The following ZNF827 variants were observed in gnomAD, a reference collection of about 807,000 sequenced individuals.
The protein encoded by ZNF827 is zinc finger protein 827.
A neutral mutation model predicts 102.4 loss-of-function variants in ZNF827; 13 were observed. That is an observed-to-expected ratio of 0.13 (90% CI 0.08 to 0.20). The LOEUF is 0.20. ZNF827 is among the 10% of genes least tolerant of loss of function. ZNF827 has a pLI of 1.00. For synonymous variants in ZNF827, 523 were observed against 536.2 expected, an observed-to-expected ratio of 0.98 and a Z score of 0.34; for missense variants, 1,103 against 1,344.4, an observed-to-expected ratio of 0.82 and a Z score of 2.81.
At chr4:145,814,967 A>C (rs542390801) in intron 8 of ZNF827, among the ~76,000 whole-genome samples, 1 of 152,112 alleles carries the variant, frequency 6.6e-6, no homozygotes, top group East Asian at 1.9e-4. Flanking sequence ...AAAAAAACCC[A>C]AAAATTGCAC....
intron 8 of ZNF827, among the ~76,000 whole-genome samples, chr4:145,782,925 T>C (rs756692586): frequency 6.6e-6 from 1 of 152,238 alleles, no homozygotes; most frequent in Non-Finnish European, 1.5e-5. Flanking sequence ...TGAAGCCCTA[T>C]CTCAGATTTT....
chr4:145,920,049 G>A (rs906298352), intron 1 of ZNF827, among the ~76,000 whole-genome samples: 24 of 152,164 alleles, frequency 1.6e-4, no homozygotes, highest in Admixed American at 3.3e-4. Flanking sequence ...AATTGTACAG[G>A]GCTATGTAAA....
intron 7 of ZNF827, among the ~76,000 whole-genome samples, chr4:145,842,703 T>A (rs879790326): frequency 6.6e-6 from 1 of 152,196 alleles, no homozygotes; most frequent in East Asian, 1.9e-4. Flanking sequence ...TTCATCAGCA[T>A]GAGAAAGGCA....
intron 4 of ZNF827, among the ~76,000 whole-genome samples, chr4:145,873,528 T>C (rs1341827375): frequency 6.6e-6 from 1 of 152,190 alleles, no homozygotes; most frequent in Non-Finnish European, 1.5e-5. Context: ...AAATATCTAA[T>C]CATCACTTGA....
At chr4:145,780,782 T>C (rs1428119517) in intron 8 of ZNF827, among the ~76,000 whole-genome samples, 3 of 152,330 alleles carry the variant, frequency 2.0e-5, no homozygotes, top group East Asian at 3.9e-4. Context: ...TAAGTTAATA[T>C]CTTGTCTTTT....
At chr4:145,795,187 G>A (rs1348261792) in intron 8 of ZNF827, among the ~76,000 whole-genome samples, 5 of 152,104 alleles carry the variant, frequency 3.3e-5, no homozygotes, top group South Asian at 2.1e-4. Context: ...TCACTCCCTC[G>A]CCCAGGGTGG....
chr4:145,869,575 G>A (rs1258416394), intron 5 of ZNF827, among the ~76,000 whole-genome samples: 1 of 152,042 alleles, frequency 6.6e-6, no homozygotes, highest in African/African-American at 2.4e-5. Flanking sequence ...GTTTTTACCT[G>A]TTTCAGAGAG....
intron 1 of ZNF827, among the ~76,000 whole-genome samples, chr4:145,918,793 T>G (rs1207178009): frequency 6.6e-6 from 1 of 152,184 alleles, no homozygotes. Context: ...GAGCTCTCCA[T>G]AAAGACAAGG....
chr4:145,854,959 C>T (rs1029242872), intron 5 of ZNF827, among the ~76,000 whole-genome samples: 8 of 152,304 alleles, frequency 5.3e-5, no homozygotes, highest in African/African-American at 1.9e-4. Flanking sequence ...GTTCATCTTT[C>T]GGATATCCTC....
At chr4:145,841,332 C>T (rs1745396656) in intron 7 of ZNF827, among the ~76,000 whole-genome samples, 1 of 152,156 alleles carries the variant, frequency 6.6e-6, no homozygotes, top group South Asian at 2.1e-4. Flanking sequence ...GGATGTAGAT[C>T]TTCTTTTTAT....
intron 3 of ZNF827, among the ~76,000 whole-genome samples, chr4:145,886,822 T>C (rs946820137): frequency 6.6e-6 from 1 of 152,106 alleles, no homozygotes; most frequent in African/African-American, 2.4e-5. Flanking sequence ...AACGTGGCTA[T>C]AATATCATGC....
intron 11 of ZNF827, among the ~76,000 whole-genome samples, chr4:145,770,551 G>C (rs1364749689): frequency 6.6e-6 from 1 of 151,246 alleles, no homozygotes; most frequent in Non-Finnish European, 1.5e-5. Context: ...ATCATGGTAA[G>C]CATTATAGAA....
intron 3 of ZNF827, among the ~76,000 whole-genome samples, chr4:145,886,663 G>A (rs1306210555): frequency 6.6e-6 from 1 of 152,008 alleles, no homozygotes; most frequent in Non-Finnish European, 1.5e-5. Flanking sequence ...AATGTCTCCA[G>A]GGTATTCCCG....
Position 145,817,496 on chromosome 4 carries a change from G to A in ZNF827, c.2383+5926C>T, listed in dbSNP as rs931487197. Among the ~76,000 whole-genome samples, 7 of 152,270 alleles carry A rather than the reference G, an allele frequency of 4.6e-5. No homozygotes were observed. The East Asian group carries it at 5.8e-4, about 13-fold the overall frequency. ...AGGCCTCAAGAAGCAGAATCATGGC[G>A]GAAAGGGAAGCAGGCACATCTTATA... On this transcript the variant is annotated intron_variant, in intron 8 of 14. Coordinates refer to ENST00000508784, the MANE Select transcript of ZNF827 (RefSeq NM_001306215.2).
intron 1 of ZNF827, among the ~76,000 whole-genome samples, chr4:145,922,991 T>G (rs1753183535): frequency 6.6e-6 from 1 of 152,228 alleles, no homozygotes; most frequent in Non-Finnish European, 1.5e-5. Context: ...TAATATTTTT[T>G]TTATATTTTA....
At chr4:145,842,764 AACT>A (rs986958293) in intron 7 of ZNF827, among the ~76,000 whole-genome samples, 3 of 152,304 alleles carry the variant, frequency 2.0e-5, no homozygotes, top group African/African-American at 7.2e-5. Context: ...TTACAAACGA[AACT>A]ACCTTAAATA....
chr4:145,924,552 G>A (rs1217947476), intron 1 of ZNF827, among the ~76,000 whole-genome samples: 1 of 152,188 alleles, frequency 6.6e-6, no homozygotes, highest in Non-Finnish European at 1.5e-5. Context: ...CTGAGAAGCT[G>A]GTTTGAGGCA....
Position 145,886,007 on chromosome 4 carries a change from T to A in ZNF827, c.1418A>T (p.Asp473Val). The change falls in exon 4 of 15, where the codon GAT becomes GTT. Residue 473 changes from aspartate to valine, a missense_variant. By Grantham distance (152) the Asp-to-Val change is radical. Around this residue, in one of 5 missense-constraint regions of ZNF827, gnomAD observed 157 missense variants for 211.7 expected, o/e 0.74. Coordinates refer to ENST00000508784, the MANE Select transcript of ZNF827 (RefSeq NM_001306215.2). ...ACTGAGGTGGGGAGATCCCTTGACATCTGGGTCTGGGATCTCCTCCTTCAC... is the reference window on the plus strand; with the variant it reads ...ACTGAGGTGGGGAGATCCCTTGACAACTGGGTCTGGGATCTCCTCCTTCAC... Reference protein sequence around the residue: ...AKVKEEIPDPDVKGSPHLSDS... With the variant: ...AKVKEEIPDPVVKGSPHLSDS... 1 of 1,614,150 alleles carries A rather than the reference T, an allele frequency of 6.2e-7. No homozygotes were observed.
intron 8 of ZNF827, among the ~76,000 whole-genome samples, chr4:145,807,752 G>A (rs1359817316): frequency 4.8e-5 from 7 of 147,312 alleles, no homozygotes; most frequent in Admixed American, 2.7e-4. Context: ...TTACAGGCGT[G>A]AGCCACTGTG....
Sources: gnomAD v4.1 joint callset for allele counts (sites outside exome capture counted in the v4.1 genomes callset) on GRCh38, gnomAD v4.1.1 for gene constraint, gnomAD v4.1.1 regional missense constraint, MANE v1.5 for transcripts, NCBI Gene and HGNC (gene_info 2026-07-23, HGNC 2026-07-21) for gene names.